The following CDH10 variants were observed in gnomAD, a reference collection of about 807,000 sequenced individuals.
CDH10 encodes cadherin-10.
Under a neutral mutation model 73.1 loss-of-function variants are expected in CDH10, and 30 were observed. That is an observed-to-expected ratio of 0.41 (90% confidence interval 0.31 to 0.56). The LOEUF is 0.56. Among genes scored for constraint, CDH10 ranks in the 20% least tolerant of loss-of-function variants. The pLI, the probability that CDH10 is intolerant of heterozygous loss-of-function variation, is 0.27. For synonymous variants in CDH10, 345 were observed against 348.2 expected (o/e 0.99, Z 0.10); for missense variants, 815 against 973.7 (o/e 0.84, Z 2.17).
chr5:24,487,996 A>T lies in CDH10; in HGVS notation c.2034T>A (p.Pro678=), dbSNP rs2111609064. 1 of 1,614,008 alleles carries T rather than the reference A, an allele frequency of 6.2e-7. No individual in the cohort carries two copies. The highest frequency in any genetic ancestry group is 8.5e-7 in the Non-Finnish European group (1 of 1,179,976). Residue 678 remains proline, a synonymous_variant, in exon 12 of 12, where the codon CCT becomes CCA. Coordinates refer to ENST00000264463, the MANE Select transcript of CDH10 (RefSeq NM_006727.5). ...GGAGCTTTTTTTCCTCAATGGCTGC[A>T]GGATTCCTCAGGGTGCCGATATCAA... ...QAFDIGTLRN[P]AAIEEKKLRR...
At chr5:24,517,665 G>C (rs1169478504) in intron 5 of CDH10, among the ~76,000 whole-genome samples, 2 of 152,114 alleles carry the variant, frequency 1.3e-5, no homozygotes, top group Non-Finnish European at 2.9e-5. Context: ...TAAAGATAAA[G>C]ATAGTTGAAT....
At chr5:24,568,996 G>A (rs1314134883) in intron 2 of CDH10, among the ~76,000 whole-genome samples, 1 of 151,830 alleles carries the variant, frequency 6.6e-6, no homozygotes, top group East Asian at 1.9e-4. Context: ...TGTAATCCCA[G>A]CTACTCGGGA....
chr5:24,613,088 T>A (rs956679507), intron 1 of CDH10: 4 of 151,988 alleles, frequency 2.6e-5, no homozygotes, highest in African/African-American at 9.7e-5. Flanking sequence ...AAAAAAATGT[T>A]AAATAATGCA....
intron 1 of CDH10, among the ~76,000 whole-genome samples, chr5:24,614,450 G>A (rs1324966001): frequency 6.6e-6 from 1 of 152,182 alleles, no homozygotes; most frequent in Non-Finnish European, 1.5e-5. Flanking sequence ...CTAATTGGGT[G>A]CAGATTTCAC....
intron 11 of CDH10, among the ~76,000 whole-genome samples, chr5:24,489,415 C>A (rs777385350): frequency 3.9e-5 from 6 of 151,968 alleles, no homozygotes; most frequent in Non-Finnish European, 8.8e-5. Flanking sequence ...AGCAAATAGG[C>A]AGAACTTTTT....
chr5:24,534,301 AT>A (rs1031374718), intron 5 of CDH10, among the ~76,000 whole-genome samples: 1 of 151,346 alleles, frequency 6.6e-6, no homozygotes, highest in Admixed American at 6.6e-5. Flanking sequence ...GTAGTCGAAT[AT>A]TTTTTTTTGT....
At chr5:24,554,128 G>GAGAGAGAGAGAGAA (rs1744674406) in intron 2 of CDH10, 1 of 37,534 alleles carries the variant, frequency 2.7e-5, no homozygotes, top group Non-Finnish European at 6.2e-5. Flanking sequence ...GGGAGAGAGA[G>GAGAGAGAGAGAGAA]AGACATTCAA....
intron 5 of CDH10, among the ~76,000 whole-genome samples, chr5:24,515,139 A>G (rs916427440): frequency 2.6e-5 from 4 of 152,222 alleles, no homozygotes; most frequent in African/African-American, 9.6e-5. Context: ...CAAGATTGTG[A>G]CAGTTAGAAA....
At chr5:24,619,881 T>A (rs1221511350) in intron 1 of CDH10, among the ~76,000 whole-genome samples, 1 of 152,152 alleles carries the variant, frequency 6.6e-6, no homozygotes, top group African/African-American at 2.4e-5. Flanking sequence ...ATACTGACTC[T>A]GCTCTCCTTC....
chr5:24,561,571 G>A (rs1744961493), intron 2 of CDH10, among the ~76,000 whole-genome samples: 1 of 152,004 alleles, frequency 6.6e-6, no homozygotes, highest in South Asian at 2.1e-4. Context: ...ATTCTACAAG[G>A]CATATACCAA....
intron 6 of CDH10, 129 bp from the exon 7 acceptor site, chr5:24,509,948 G>A (rs1742839509): frequency 1.2e-5 from 7 of 603,744 alleles, no homozygotes; most frequent in Non-Finnish European, 2.0e-5. Flanking sequence ...AAATAAAAAA[G>A]ACTAACACAA....
intron 1 of CDH10, among the ~76,000 whole-genome samples, chr5:24,629,987 G>A (rs1747650520): frequency 6.6e-6 from 1 of 152,084 alleles, no homozygotes; most frequent in Non-Finnish European, 1.5e-5. Context: ...TCTGTAAAAT[G>A]CAAACCATAA....
intron 10 of CDH10, 64 bp from the exon 11 acceptor site, chr5:24,491,891 C>T: frequency 1.1e-6 from 1 of 905,142 alleles, no homozygotes; most frequent in South Asian, 1.9e-5. Context: ...ATGTGATCAC[C>T]AAGGTTTAAC....
intron 2 of CDH10, among the ~76,000 whole-genome samples, chr5:24,592,351 T>C (rs1360378307): frequency 6.6e-6 from 1 of 151,872 alleles, no homozygotes; most frequent in East Asian, 1.9e-4. Context: ...TGTGTAGTGT[T>C]AACATGTGAT....
At chr5:24,596,316 T>A (rs1407184155) in intron 1 of CDH10, among the ~76,000 whole-genome samples, 4 of 151,896 alleles carry the variant, frequency 2.6e-5, no homozygotes, top group African/African-American at 9.7e-5. Flanking sequence ...ACCTTTTACA[T>A]GGTCAGTCAA....
intron 1 of CDH10, among the ~76,000 whole-genome samples, chr5:24,632,385 T>G (rs116207756): frequency 0.017 from 2,593 of 152,134 alleles, 39 homozygotes; most frequent in Middle Eastern, 0.031. Context: ...AATAAATGCT[T>G]TATATATTCA....
intron 8 of CDH10, 61 bp downstream of exon 8, chr5:24,505,051 C>A (rs2111724379): frequency 1.7e-6 from 2 of 1,145,594 alleles, no homozygotes; most frequent in African/African-American, 1.6e-5. Flanking sequence ...TGTTAAACTG[C>A]ATAAAATATA....
chr5:24,596,097 TAAATAA>T (rs1188872063), intron 1 of CDH10, among the ~76,000 whole-genome samples: 2 of 151,990 alleles, frequency 1.3e-5, no homozygotes, highest in Non-Finnish European at 2.9e-5. Context: ...ATGACACGGT[TAAATAA>T]AAATAGAAAA....
intron 1 of CDH10, among the ~76,000 whole-genome samples, chr5:24,613,468 G>T (rs1458457239): frequency 1.9e-5 from 2 of 103,352 alleles, no homozygotes; most frequent in African/African-American, 3.8e-5. Flanking sequence ...TTCCTTCATT[G>T]TTTTCACTGT....
Sources: allele counts gnomAD v4.1 joint callset (sites outside exome capture counted in the v4.1 genomes callset), GRCh38; gene constraint gnomAD v4.1.1; transcripts MANE v1.5; gene names NCBI Gene and HGNC (gene_info 2026-07-23, HGNC 2026-07-21).